Variants in BMPR1B observed in about 807,000 individuals in gnomAD.
BMPR1B encodes bone morphogenetic protein receptor type 1B.
A neutral mutation model predicts 59.1 loss-of-function variants in BMPR1B; 12 were observed. That is an observed-to-expected ratio of 0.20 (90% confidence interval 0.13 to 0.33). BMPR1B has a LOEUF of 0.33. Ranked by LOEUF, BMPR1B falls within the 10% of genes least tolerant of loss-of-function variation. The pLI is 1.00. For synonymous variants in BMPR1B, 237 were observed against 207.3 expected (o/e 1.14, Z -1.23); for missense variants, 550 against 610.9 (o/e 0.90, Z 1.05).
intron 10 of BMPR1B, among the ~76,000 whole-genome samples, chr4:95,134,039 A>T (rs2149305510): frequency 6.6e-6 from 1 of 151,994 alleles, no homozygotes; most frequent in African/African-American, 2.4e-5. Flanking sequence ...CCACCCCACG[A>T]CAGGCCTGGT....
chr4:94,935,868 A>C (rs893300536), intron 2 of BMPR1B, among the ~76,000 whole-genome samples: 1 of 152,216 alleles, frequency 6.6e-6, no homozygotes, highest in Admixed American at 6.5e-5. Context: ...TTTCAGGGGA[A>C]AATGCCTTAT....
intron 2 of BMPR1B, among the ~76,000 whole-genome samples, chr4:94,992,754 C>T (rs575255652): frequency 7.9e-5 from 12 of 152,338 alleles, no homozygotes; most frequent in Non-Finnish European, 1.2e-4. Flanking sequence ...CAGCATCATA[C>T]AGAGTAGTTT....
chr4:94,796,403 C>T (rs1723196799), intron 1 of BMPR1B, among the ~76,000 whole-genome samples: 1 of 152,192 alleles, frequency 6.6e-6, no homozygotes, highest in Non-Finnish European at 1.5e-5. Context: ...AGAGTTGTGA[C>T]AGATGTTTGT....
Position 94,913,371 on chromosome 4 carries a change from C to A in BMPR1B, c.-113+37471C>A, listed in dbSNP as rs367847733. Among the ~76,000 whole-genome samples the A allele has an allele frequency of 1.3e-4, 20 of 152,264 alleles. No individual in the cohort carries two copies. The East Asian group carries it at 1.5e-3, about 12-fold the overall frequency. On this transcript the variant is annotated intron_variant, in intron 2 of 12. Coordinates refer to ENST00000515059, the MANE Select transcript of BMPR1B (RefSeq NM_001203.3). ...AAGAGATTAAGAATTTCTGCCACCACTGATAGTTTTTTGATTTTGAAAAAG... is the reference window on the plus strand; with the variant it reads ...AAGAGATTAAGAATTTCTGCCACCAATGATAGTTTTTTGATTTTGAAAAAG...
chr4:94,838,989 C>T (rs1224577842), intron 1 of BMPR1B, among the ~76,000 whole-genome samples: 2 of 126,412 alleles, frequency 1.6e-5, no homozygotes, highest in East Asian at 4.1e-4. Flanking sequence ...CAAAGAACAT[C>T]TTTATTTCTG....
At chr4:95,141,051 T>A (rs1013136573) in intron 10 of BMPR1B, among the ~76,000 whole-genome samples, 2 of 152,210 alleles carry the variant, frequency 1.3e-5, no homozygotes, top group African/African-American at 4.8e-5. Flanking sequence ...AGATGTTGGC[T>A]GTGCAGACTC....
At chr4:95,019,992 A>G (rs141189574) in intron 3 of BMPR1B, among the ~76,000 whole-genome samples, 8 of 152,298 alleles carry the variant, frequency 5.3e-5, no homozygotes, top group Admixed American at 5.2e-4. Flanking sequence ...AATTTATACA[A>G]GCTTGGGTGT....
intron 3 of BMPR1B, among the ~76,000 whole-genome samples, chr4:95,059,334 T>G (rs1296728657): frequency 1.3e-5 from 2 of 152,180 alleles, no homozygotes; most frequent in African/African-American, 2.4e-5. Flanking sequence ...GTGTGTGTGT[T>G]TTCATAGGAT....
intron 3 of BMPR1B, among the ~76,000 whole-genome samples, chr4:95,089,485 A>G (rs908543203): frequency 2.6e-5 from 4 of 152,168 alleles, no homozygotes; most frequent in African/African-American, 7.2e-5. Context: ...GAAAATTTAC[A>G]GGTAAAATTA....
intron 2 of BMPR1B, among the ~76,000 whole-genome samples, chr4:94,886,303 C>A (rs545315837): frequency 1.4e-4 from 22 of 152,196 alleles, no homozygotes; most frequent in African/African-American, 4.1e-4. Flanking sequence ...TAATTTATAT[C>A]TGAAGTCTGG....
intron 1 of BMPR1B, among the ~76,000 whole-genome samples, chr4:94,788,188 C>T (rs78840317): frequency 0.023 from 3,548 of 152,182 alleles, 51 homozygotes; most frequent in Non-Finnish European, 0.035. Context: ...ACACTTTAGC[C>T]ACAGGACACA....
intron 3 of BMPR1B, among the ~76,000 whole-genome samples, chr4:95,008,771 A>G (rs1449434175): frequency 6.6e-6 from 1 of 152,172 alleles, no homozygotes; most frequent in African/African-American, 2.4e-5. Context: ...AGATACCATG[A>G]ATCAGTAAGA....
chr4:94,792,177 T>A (rs1032108956), intron 1 of BMPR1B, among the ~76,000 whole-genome samples: 1 of 152,222 alleles, frequency 6.6e-6, no homozygotes, highest in Non-Finnish European at 1.5e-5. Context: ...TAAAAATGCA[T>A]GCTTTCTTGC....
intron 1 of BMPR1B, among the ~76,000 whole-genome samples, chr4:94,771,373 G>T (rs1225504036): frequency 6.6e-6 from 1 of 152,150 alleles, no homozygotes. Context: ...ACTGGTTATT[G>T]ATGAAACAAA....
intron 1 of BMPR1B, among the ~76,000 whole-genome samples, chr4:94,784,006 G>T (rs1369945364): frequency 6.6e-6 from 1 of 152,120 alleles, no homozygotes; most frequent in Non-Finnish European, 1.5e-5. Flanking sequence ...TATGCTCAGA[G>T]ACCATAGACT....
At chr4:95,000,610 T>A (rs145530948) in intron 3 of BMPR1B, among the ~76,000 whole-genome samples, 151 of 152,208 alleles carry the variant, frequency 9.9e-4, no homozygotes, top group African/African-American at 3.5e-3. Flanking sequence ...CAGTGGCGTA[T>A]CAAATAATAT....
At chr4:95,139,200 G>C (rs191505001) in intron 10 of BMPR1B, among the ~76,000 whole-genome samples, 35 of 152,278 alleles carry the variant, frequency 2.3e-4, no homozygotes, top group Middle Eastern at 3.4e-3. Flanking sequence ...TGTTTGCCTG[G>C]GTATCACCAG....
At chr4:95,076,785 A>G (rs184556737) in intron 3 of BMPR1B, among the ~76,000 whole-genome samples, 5 of 152,186 alleles carry the variant, frequency 3.3e-5, no homozygotes, top group African/African-American at 1.2e-4. Flanking sequence ...TGGAAACGTT[A>G]AAAAAGAAAC....
chr4:94,858,995 TAATA>T (rs1725875009), intron 1 of BMPR1B, among the ~76,000 whole-genome samples: 1 of 152,230 alleles, frequency 6.6e-6, no homozygotes, highest in African/African-American at 2.4e-5. Context: ...GCAATTATGT[TAATA>T]GATAAGCATG....
Sources: allele counts gnomAD v4.1 joint callset (sites outside exome capture counted in the v4.1 genomes callset), GRCh38; gene constraint gnomAD v4.1.1; transcripts MANE v1.5; gene names NCBI Gene and HGNC (gene_info 2026-07-23, HGNC 2026-07-21).